The following REDIC1 variants were observed in gnomAD, a reference collection of about 807,000 sequenced individuals.
REDIC1 encodes the protein HEI10 Interacting Protein 1.
the REDIC1 span, among the ~76,000 whole-genome samples, chr12:39,898,052 T>C: frequency 6.6e-6 from 1 of 152,102 alleles, no homozygotes; most frequent in Admixed American, 6.6e-5. Context: ...TAGTACATCA[T>C]TATATTGAGG....
At chr12:39,788,153 A>G in the REDIC1 span, among the ~76,000 whole-genome samples, 1 of 152,290 alleles carries the variant, frequency 6.6e-6, no homozygotes, top group Admixed American at 6.5e-5. Context: ...ATACATTCCA[A>G]GATCCTCATA....
At chr12:39,735,985 A>G in the REDIC1 span, among the ~76,000 whole-genome samples, 1 of 152,236 alleles carries the variant, frequency 6.6e-6, no homozygotes, top group South Asian at 2.1e-4. Context: ...ACTAAAGGGG[A>G]CAGAGACAGA....
chr12:39,820,242 C>T, the REDIC1 span, among the ~76,000 whole-genome samples: 6 of 152,136 alleles, frequency 3.9e-5, no homozygotes, highest in African/African-American at 1.2e-4. Context: ...TAAAATAAGA[C>T]AGCATTCATC....
At chr12:39,778,538 GTTATA>G in the REDIC1 span, among the ~76,000 whole-genome samples, 11 of 152,158 alleles carry the variant, frequency 7.2e-5, no homozygotes, top group Non-Finnish European at 1.5e-4. Context: ...CTCTTGATAA[GTTATA>G]TTATTAATTT....
chr12:39,824,528 AAGG>A, the REDIC1 span, among the ~76,000 whole-genome samples: 2 of 152,156 alleles, frequency 1.3e-5, no homozygotes, highest in African/African-American at 4.8e-5. Flanking sequence ...TCATTCATAA[AAGG>A]AGGTTAAGCT....
chr12:39,768,818 C>T, the REDIC1 span, among the ~76,000 whole-genome samples: 1 of 152,042 alleles, frequency 6.6e-6, no homozygotes, highest in Non-Finnish European at 1.5e-5. Flanking sequence ...TAAATGAGCA[C>T]ATACTATTGG....
chr12:39,706,960 G>C, the REDIC1 span, among the ~76,000 whole-genome samples: 1 of 151,906 alleles, frequency 6.6e-6, no homozygotes, highest in African/African-American at 2.4e-5. Flanking sequence ...AATTTCTTGA[G>C]TAATAACAAG....
At chr12:39,650,803 T>G in the REDIC1 span, among the ~76,000 whole-genome samples, 1 of 152,208 alleles carries the variant, frequency 6.6e-6, no homozygotes, top group East Asian at 1.9e-4. The surrounding 1 kb of genome is among the most constrained non-coding windows in gnomAD (Gnocchi z 4.3). Context: ...CTCAATCTTC[T>G]GGCCTCAAGT....
At chr12:39,895,100 C>A in the REDIC1 span, among the ~76,000 whole-genome samples, 1 of 151,980 alleles carries the variant, frequency 6.6e-6, no homozygotes, top group South Asian at 2.1e-4. Flanking sequence ...AACTTCTTGG[C>A]CCCAGTGATT....
the REDIC1 span, among the ~76,000 whole-genome samples, chr12:39,711,092 G>A: frequency 6.6e-6 from 1 of 151,266 alleles, no homozygotes; most frequent in Non-Finnish European, 1.5e-5. Flanking sequence ...TCATACTTAT[G>A]ACTTTGCATC....
the REDIC1 span, among the ~76,000 whole-genome samples, chr12:39,889,689 C>T: frequency 3.3e-5 from 5 of 151,930 alleles, no homozygotes; most frequent in African/African-American, 7.2e-5. Context: ...CCCACCACCA[C>T]GCCCGGCTAA....
the REDIC1 span, among the ~76,000 whole-genome samples, chr12:39,770,673 C>T: frequency 6.6e-5 from 10 of 152,280 alleles, no homozygotes; most frequent in East Asian, 1.9e-3. Context: ...TACTGCCTGG[C>T]ATGTGGTATA....
the REDIC1 span, among the ~76,000 whole-genome samples, chr12:39,900,102 T>A: frequency 6.6e-6 from 1 of 152,108 alleles, no homozygotes; most frequent in South Asian, 2.1e-4. Flanking sequence ...CATGATTATC[T>A]CAATAGAGGC....
chr12:39,889,235 T>A, the REDIC1 span, among the ~76,000 whole-genome samples: 3 of 152,114 alleles, frequency 2.0e-5, no homozygotes, highest in African/African-American at 4.8e-5. Context: ...TATATCACCA[T>A]CAGTTAAAAC....
chr12:39,716,867 A>ATAG, the REDIC1 span: 1 of 1,434,072 alleles, frequency 7.0e-7, no homozygotes, highest in Non-Finnish European at 9.6e-7. Flanking sequence ...ACTTATTAAT[A>ATAG]CATGCTATAT....
At chr12:39,682,143 T>G in the REDIC1 span, among the ~76,000 whole-genome samples, 1 of 152,268 alleles carries the variant, frequency 6.6e-6, no homozygotes, top group African/African-American at 2.4e-5. Flanking sequence ...TTTATAATTG[T>G]TTTTATATCC....
chr12:39,830,245 G>GTTA, the REDIC1 span: 2 of 1,609,396 alleles, frequency 1.2e-6, no homozygotes, highest in African/African-American at 1.3e-5. Flanking sequence ...AATGAAAAGA[G>GTTA]TTACCGTCAT....
At chr12:39,821,921 A>T in the REDIC1 span, among the ~76,000 whole-genome samples, 31 of 152,104 alleles carry the variant, frequency 2.0e-4, no homozygotes, top group Admixed American at 1.9e-3. Flanking sequence ...AATATTATTA[A>T]TTTTTTTATT....
chr12:39,721,109 A>G, the REDIC1 span: 3 of 1,613,628 alleles, frequency 1.9e-6, no homozygotes, highest in Admixed American at 3.3e-5. Flanking sequence ...GTAATGGAGG[A>G]AAAATTAGAT....
Sources: gnomAD v4.1 joint callset for allele counts (sites outside exome capture counted in the v4.1 genomes callset) on GRCh38, gnomAD v4.1.1 for gene constraint, Gnocchi (gnomAD v3.1) non-coding constraint, MANE v1.5 for transcripts, NCBI Gene and HGNC (gene_info 2026-07-23, HGNC 2026-07-21) for gene names.